Variants in ARLN observed in about 807,000 individuals in gnomAD.
ARLN encodes the protein sarcoplasmic/endoplasmic reticulum calcium ATPase regulator ARLN.
chr4:119,303,231 CTTTTT>C, the ARLN span, among the ~76,000 whole-genome samples: 18 of 111,360 alleles, frequency 1.6e-4, no homozygotes, highest in Non-Finnish European at 2.0e-4. Flanking sequence ...CTCTTCAATT[CTTTTT>C]TTTTTTTTTT....
At chr4:119,300,356 G>C in the ARLN span, 1 of 1,610,706 alleles carries the variant, frequency 6.2e-7, no homozygotes. Context: ...AATACACAAA[G>C]AGAAACACCA....
chr4:119,299,811 G>C, the ARLN span, among the ~76,000 whole-genome samples: 205 of 152,254 alleles, frequency 1.3e-3, 1 homozygote, highest in African/African-American at 4.6e-3. Context: ...AGTAAATTTG[G>C]GTAAGAAGCT....
chr4:119,300,231 T>C, the ARLN span: 3 of 929,766 alleles, frequency 3.2e-6, no homozygotes, highest in Non-Finnish European at 5.0e-6. Flanking sequence ...CTGTGTGATC[T>C]TGGACATATA....
the ARLN span, chr4:119,298,554 C>T: frequency 6.8e-6 from 3 of 439,418 alleles, no homozygotes; most frequent in East Asian, 7.0e-5. Context: ...TTTTTAAACA[C>T]GAACCAAAGG....
At chr4:119,302,736 A>G in the ARLN span, among the ~76,000 whole-genome samples, 2 of 152,222 alleles carry the variant, frequency 1.3e-5, no homozygotes, top group African/African-American at 4.8e-5. Context: ...CACTTCCATA[A>G]TTCTGTCAGC....
At chr4:119,303,955 A>G in the ARLN span, among the ~76,000 whole-genome samples, 1 of 152,182 alleles carries the variant, frequency 6.6e-6, no homozygotes, top group African/African-American at 2.4e-5. Flanking sequence ...TCTTGGCCTT[A>G]GCAGTTCCCA....
chr4:119,298,958 T>A, the ARLN span, among the ~76,000 whole-genome samples: 1 of 152,050 alleles, frequency 6.6e-6, no homozygotes, highest in Non-Finnish European at 1.5e-5. Flanking sequence ...AAACCCACTG[T>A]ATTTGAGATT....
chr4:119,298,097 C>T, the ARLN span: 2 of 151,964 alleles, frequency 1.3e-5, no homozygotes, highest in African/African-American at 4.8e-5. Flanking sequence ...GTTTGAAACA[C>T]ATAATCCTTC....
At chr4:119,300,827 G>C in the ARLN span, 1 of 1,435,874 alleles carries the variant, frequency 7.0e-7, no homozygotes, top group East Asian at 2.5e-5. Context: ...GGTTATTCAG[G>C]TTTCGTTGGA....
the ARLN span, among the ~76,000 whole-genome samples, chr4:119,298,932 A>AACAAAC: frequency 1.7e-3 from 260 of 151,866 alleles, 1 homozygote; most frequent in African/African-American, 4.9e-3. Context: ...AGGTCATAAA[A>AACAAAC]ACACACACAC....
the ARLN span, chr4:119,300,659 T>C: frequency 6.4e-7 from 1 of 1,556,282 alleles, no homozygotes; most frequent in African/African-American, 1.4e-5. Context: ...GCGCCCCGGG[T>C]TCCGGAATGC....
At chr4:119,299,537 T>C in the ARLN span, among the ~76,000 whole-genome samples, 1 of 152,194 alleles carries the variant, frequency 6.6e-6, no homozygotes, top group Non-Finnish European at 1.5e-5. Flanking sequence ...GCTTGTCTCT[T>C]AACACCATCT....
the ARLN span, chr4:119,304,398 A>G: frequency 6.5e-7 from 1 of 1,536,802 alleles, no homozygotes; most frequent in Admixed American, 2.0e-5. Flanking sequence ...TTCCCTCTAC[A>G]TTCTGTAATG....
chr4:119,299,653 G>A, the ARLN span, among the ~76,000 whole-genome samples: 1 of 152,152 alleles, frequency 6.6e-6, no homozygotes, highest in East Asian at 1.9e-4. Context: ...TGGAGAGCAT[G>A]GGTTTTACAA....
At chr4:119,300,259 A>T in the ARLN span, 40 of 1,179,292 alleles carry the variant, frequency 3.4e-5, no homozygotes, top group South Asian at 8.4e-5. Flanking sequence ...TCTGGAATTC[A>T]GTCCCCTCCC....
At chr4:119,300,625 G>A in the ARLN span, 3 of 1,593,440 alleles carry the variant, frequency 1.9e-6, no homozygotes, top group Non-Finnish European at 2.6e-6. Flanking sequence ...ACTGAGCGGA[G>A]TCCGGCCGCC....
At chr4:119,299,601 C>T in the ARLN span, among the ~76,000 whole-genome samples, 6 of 152,148 alleles carry the variant, frequency 3.9e-5, no homozygotes, top group African/African-American at 1.4e-4. Flanking sequence ...CTTCCTTTAC[C>T]CTCTGCCAGA....
At chr4:119,300,776 G>A in the ARLN span, 1 of 1,463,078 alleles carries the variant, frequency 6.8e-7, no homozygotes, top group Non-Finnish European at 9.0e-7. Flanking sequence ...AAGTCAATGG[G>A]CCCGCCTACT....
the ARLN span, chr4:119,300,889 T>C: frequency 7.9e-7 from 1 of 1,263,380 alleles, no homozygotes; most frequent in South Asian, 1.6e-5. Flanking sequence ...GGTGATGGAC[T>C]CCTCCCTGAA....
Sources: gnomAD v4.1 joint callset for allele counts (sites outside exome capture counted in the v4.1 genomes callset) on GRCh38, gnomAD v4.1.1 for gene constraint, MANE v1.5 for transcripts, NCBI Gene and HGNC (gene_info 2026-07-23, HGNC 2026-07-21) for gene names.